Variants in SLC25A31 observed in about 807,000 individuals in gnomAD.
SLC25A31 encodes solute carrier family 25 member 31.
SLC25A31 carries 40 observed loss-of-function variants against 36.2 expected under a neutral mutation model. The ratio of observed to expected loss-of-function variants is 1.10; its 90% CI spans 0.86 to 1.44. SLC25A31 has a LOEUF of 1.44. SLC25A31 is among the 40% of genes most tolerant of loss of function. The probability of loss-of-function intolerance (pLI) is 0.00; values close to 1 mark genes in which losing one functional copy is unlikely to be tolerated. For missense variants in SLC25A31, 350 were observed against 397.1 expected, an observed-to-expected ratio of 0.88 and a Z score of 1.01; for synonymous variants, 143 against 149.7, an observed-to-expected ratio of 0.96 and a Z score of 0.32.
At chr4:127,743,740 A>G (rs1029161033) in intron 1 of SLC25A31, among the ~76,000 whole-genome samples, 3 of 152,190 alleles carry the variant, frequency 2.0e-5, no homozygotes, top group Admixed American at 2.0e-4. Context: ...TTTTTCCCAC[A>G]GGGTTAATGT....
chr4:127,773,436 G>C lies in SLC25A31; in HGVS notation c.810G>C (p.Lys270Asn), dbSNP rs774868733. ...QYKGTLDCFV[K>N]IYQHEGISSF... The stretch of plus-strand genomic sequence containing the variant: ...AAGGAACCTTAGACTGCTTTGTGAA[G>C]ATATACCAACATGAAGGAATCAGTT... The change falls in exon 6 of 6, where the codon AAG becomes AAC. Residue 270 changes from lysine to asparagine, a missense_variant. By Grantham distance (94) the Lys-to-Asn change is moderately conservative (BLOSUM62 0). Coordinates refer to ENST00000281154, the MANE Select transcript of SLC25A31 (RefSeq NM_031291.4). 9.3e-6 allele frequency: 15 copies of C among 1,614,126 alleles called. No individual in the cohort carries two copies. Among genetic ancestry groups the C allele is most frequent in the Non-Finnish European group, 1.3e-5 (15 of 1,179,988 alleles).
intron 2 of SLC25A31, among the ~76,000 whole-genome samples, chr4:127,757,185 A>G (rs1274247357): frequency 6.6e-6 from 1 of 152,204 alleles, no homozygotes; most frequent in Non-Finnish European, 1.5e-5. Context: ...CGTCTGTTAC[A>G]TGGGTATATT....
intron 2 of SLC25A31, among the ~76,000 whole-genome samples, chr4:127,755,519 A>G (rs72616946): frequency 0.036 from 5,415 of 152,296 alleles, 309 homozygotes; most frequent in East Asian, 0.26. Flanking sequence ...ACATACAGAT[A>G]GACAACAGGT....
At chr4:127,751,889 G>A (rs1419232662) in intron 2 of SLC25A31, among the ~76,000 whole-genome samples, 1 of 152,100 alleles carries the variant, frequency 6.6e-6, no homozygotes, top group South Asian at 2.1e-4. Context: ...ACACCAGTTA[G>A]AATGGCAATC....
chr4:127,772,036 C>T lies in SLC25A31; in HGVS notation c.760-1350C>T, dbSNP rs893297351. On this transcript the variant is annotated intron_variant, in intron 5 of 5. Transcript: ENST00000281154. Reference sequence around the variant, plus strand: ...TTTAATGACACTGGCTTGTATTTTTCCTTCTTGTATTGCTCTAGTATGACT... The same window carrying T: ...TTTAATGACACTGGCTTGTATTTTTTCTTCTTGTATTGCTCTAGTATGACT... Among the ~76,000 whole-genome samples the T allele has an allele frequency of 3.4e-3, 512 of 152,094 alleles. 3 individuals are homozygous for T. Among genetic ancestry groups the T allele is most frequent in the African/African-American group, 0.012 (482 of 41,494 alleles).
intron 1 of SLC25A31, among the ~76,000 whole-genome samples, chr4:127,736,259 T>G (rs1207875950): frequency 6.6e-6 from 1 of 152,214 alleles, no homozygotes; most frequent in African/African-American, 2.4e-5. Flanking sequence ...TTCTTATTTA[T>G]TTGTTCAAAA....
intron 2 of SLC25A31, among the ~76,000 whole-genome samples, chr4:127,750,765 AAAAG>A (rs1194304901): frequency 6.6e-6 from 1 of 152,158 alleles, no homozygotes; most frequent in Non-Finnish European, 1.5e-5. Context: ...AATACAAAAA[AAAAG>A]AGAAAGGAAT....
rs753549901 is a variant in SLC25A31 at position 127,773,459 on chromosome 4, G to A, written c.833G>A (p.Ser278Asn). 1 of 1,614,110 alleles carries A rather than the reference G, an allele frequency of 6.2e-7. No homozygotes were observed. The highest frequency in any genetic ancestry group is 8.5e-7 in the Non-Finnish European group (1 of 1,180,004). The change falls in exon 6 of 6, where the codon AGT becomes AAT. Residue 278 changes from serine (S) to asparagine (N), a missense_variant. Ser to Asn is a conservative substitution (Grantham distance 46, BLOSUM62 1). Coordinates refer to ENST00000281154, the MANE Select transcript of SLC25A31 (RefSeq NM_031291.4). ...AAGATATACCAACATGAAGGAATCAGTTCCTTTTTTCGTGGCGCCTTCTCC... is the reference window on the plus strand; with the variant it reads ...AAGATATACCAACATGAAGGAATCAATTCCTTTTTTCGTGGCGCCTTCTCC... The part of the protein sequence containing the change: ...FVKIYQHEGI[S>N]SFFRGAFSNV...
At chr4:127,760,460 T>C (rs1957811488) in intron 2 of SLC25A31, among the ~76,000 whole-genome samples, 1 of 152,174 alleles carries the variant, frequency 6.6e-6, no homozygotes, top group Non-Finnish European at 1.5e-5. Context: ...GTGACTAGAC[T>C]GGATGAGCCT....
intron 2 of SLC25A31, among the ~76,000 whole-genome samples, chr4:127,754,593 A>G (rs1731996329): frequency 6.6e-6 from 1 of 152,084 alleles, no homozygotes; most frequent in African/African-American, 2.4e-5. Flanking sequence ...TGAAAGATCC[A>G]TATACTGAAA....
intron 3 of SLC25A31, 82 bp downstream of exon 3, chr4:127,764,442 A>G: frequency 8.6e-7 from 1 of 1,166,794 alleles, no homozygotes; most frequent in Admixed American, 1.9e-5. Flanking sequence ...TTGTGCTATA[A>G]TAGTGTTACC....
In SLC25A31 at chr4:127,773,657, AG is replaced by A; in HGVS notation, c.*84del. Reference sequence around the variant, plus strand: ...AGCTGCCATTTGCATACATTTTGATAGTGTTATTGTCTGTATTTTGTTAAAG... The same window carrying A: ...AGCTGCCATTTGCATACATTTTGATATGTTATTGTCTGTATTTTGTTAAAG... On this transcript the variant is annotated 3_prime_UTR_variant, in exon 6 of 6. Transcript: ENST00000281154. 1 of 1,132,522 alleles carries A rather than the reference AG, an allele frequency of 8.8e-7. No homozygotes were observed. 70.2% of individuals were successfully genotyped at this position (1,132,522 alleles called of 1,614,324 possible). A position where few individuals can be genotyped will look rare whatever the true frequency, so the allele number is the denominator to read the frequency against.
At chr4:127,757,175 C>T (rs952138630) in intron 2 of SLC25A31, among the ~76,000 whole-genome samples, 1 of 152,244 alleles carries the variant, frequency 6.6e-6, no homozygotes, top group East Asian at 1.9e-4. Flanking sequence ...GATACATACA[C>T]GTCTGTTACA....
chr4:127,744,640 A>T (rs749576634), intron 1 of SLC25A31, 32 bp from the exon 2 acceptor site: 2 of 1,560,276 alleles, frequency 1.3e-6, no homozygotes, highest in Non-Finnish European at 8.7e-7. Context: ...AATACAATGT[A>T]GGTTTATGTA....
At chr4:127,746,103 A>T (rs1731821426) in intron 2 of SLC25A31, among the ~76,000 whole-genome samples, 1 of 152,102 alleles carries the variant, frequency 6.6e-6, no homozygotes, top group Admixed American at 6.6e-5. Flanking sequence ...TAATAGCCTC[A>T]AACTCTGTTC....
At chr4:127,732,157 G>C (rs1046998557) in intron 1 of SLC25A31, among the ~76,000 whole-genome samples, 3 of 152,162 alleles carry the variant, frequency 2.0e-5, no homozygotes, top group African/African-American at 7.2e-5. Flanking sequence ...AAAAGAAATA[G>C]ACATTTATTG....
At chr4:127,740,487 A>G (rs941807428) in intron 1 of SLC25A31, among the ~76,000 whole-genome samples, 32 of 152,200 alleles carry the variant, frequency 2.1e-4, no homozygotes, top group African/African-American at 6.5e-4. Flanking sequence ...AGCTGAGTCA[A>G]CTGAGGCAAA....
chr4:127,760,949 A>G (rs1732117489), intron 2 of SLC25A31, among the ~76,000 whole-genome samples: 1 of 152,198 alleles, frequency 6.6e-6, no homozygotes, highest in Non-Finnish European at 1.5e-5. Flanking sequence ...GCGGGGGGAA[A>G]ACACCAATAT....
rs145863152 is a variant in SLC25A31 at position 127,764,285 on chromosome 4, G to T, written c.403G>T (p.Ala135Ser). 15 of 1,613,870 alleles carry T rather than the reference G, an allele frequency of 9.3e-6. No homozygotes were observed. Among genetic ancestry groups the T allele is most frequent in the Non-Finnish European group, 1.1e-5 (13 of 1,179,942 alleles). Residue 135 changes from alanine to serine, a missense_variant, in exon 3 of 6, where the codon GCT becomes TCT. By Grantham distance (99) the Ala-to-Ser change is moderately conservative (BLOSUM62 1). Transcript: ENST00000281154. ...GGCAAACCTGGCTTCTGGTGGAGCT[G>T]CTGGGGCAACATCCTTATGTGTAGT... is the stretch of plus-strand genomic sequence containing the variant. The part of the protein sequence containing the change: ...FLANLASGGA[A>S]GATSLCVVYP...
Sources: gnomAD v4.1 joint callset for allele counts (sites outside exome capture counted in the v4.1 genomes callset) on GRCh38, gnomAD v4.1.1 for gene constraint, MANE v1.5 for transcripts, NCBI Gene and HGNC (gene_info 2026-07-23, HGNC 2026-07-21) for gene names.